The following CC2D1A variants were observed in gnomAD, a reference collection of about 807,000 sequenced individuals.
CC2D1A encodes the protein coiled-coil and C2 domain containing 1A, also known as coiled-coil and C2 domain-containing protein 1A.
CC2D1A carries 68 observed loss-of-function variants against 123.8 expected under a neutral mutation model. The ratio of observed to expected loss-of-function variants is 0.55; its 90% CI spans 0.45 to 0.67. CC2D1A has a LOEUF of 0.67. Ranked by LOEUF, CC2D1A falls within the 30% of genes least tolerant of loss-of-function variation. The pLI is 0.00. For synonymous variants in CC2D1A, 477 were observed against 528.0 expected, an observed-to-expected ratio of 0.90 and a Z score of 1.32; for missense variants, 1,185 against 1,290.3, an observed-to-expected ratio of 0.92 and a Z score of 1.25.
chr19:13,926,698 T>C lies in CC2D1A; in HGVS notation c.2046T>C (p.Val682=). 6.2e-7 allele frequency: 1 copy of C among 1,614,140 alleles called. No individual in the cohort carries two copies. Among genetic ancestry groups the C allele is most frequent in the Non-Finnish European group, 8.5e-7 (1 of 1,180,022 alleles). Reference sequence around the variant, plus strand: ...CCCCTGGCGATCTGGATGTCTTTGTTCGGTTTGACTTCCCCTATCCCAACG... The same window carrying C: ...CCCCTGGCGATCTGGATGTCTTTGTCCGGTTTGACTTCCCCTATCCCAACG... ...GLSPGDLDVF[V]RFDFPYPNVE... Residue 682 remains valine, a synonymous_variant, in exon 19 of 29, where the codon GTT becomes GTC. Coordinates refer to ENST00000318003, the MANE Select transcript of CC2D1A (RefSeq NM_017721.5).
rs1408648222 is a variant in CC2D1A at position 13,930,655 on chromosome 19, C to A, written c.*260C>A. 7 of 513,210 alleles carry A rather than the reference C, an allele frequency of 1.4e-5. No homozygotes were observed. The highest frequency in any genetic ancestry group is 1.7e-5 in the Non-Finnish European group (5 of 292,776). The allele number at this position is 513,210 out of a possible 1,614,324, so 31.8% of individuals were successfully genotyped here. ...GTTTGCACAGCCCAGGGGTGTCCGG[C>A]CTCTGGCCCGCCCCGGAGCAGGGAG... On this transcript the variant is annotated 3_prime_UTR_variant, in exon 29 of 29. Coordinates refer to ENST00000318003, the MANE Select transcript of CC2D1A (RefSeq NM_017721.5). This position sits in a 1 kb window ranked among gnomAD's most constrained non-coding sequence, Gnocchi z 6.8.
intron 17 of CC2D1A, among the ~76,000 whole-genome samples, chr19:13,926,065 TACACACAC>T (rs111396032): frequency 7.8e-6 from 1 of 128,080 alleles, no homozygotes; most frequent in African/African-American, 3.6e-5. Context: ...TATGTATATA[TACACACAC>T]ACACACACAC....
chr19:13,921,779 C>A (rs1045870553), intron 14 of CC2D1A, among the ~76,000 whole-genome samples: 3 of 152,178 alleles, frequency 2.0e-5, no homozygotes, highest in African/African-American at 7.2e-5. Context: ...GTGGGTCACA[C>A]CTGTAATTCC....
intron 1 of CC2D1A, among the ~76,000 whole-genome samples, chr19:13,909,373 GT>G (rs955983551): frequency 2.7e-4 from 41 of 150,450 alleles, no homozygotes; most frequent in African/African-American, 1.0e-3. Flanking sequence ...GAGACTCTGT[GT>G]CAAAAAAAAA....
At position 13,926,022 on chromosome 19, in the gene CC2D1A, ATATG is replaced by A. The variant is rs1425651491; in HGVS notation, c.1941-493_1941-490del. Among the ~76,000 whole-genome samples, 6 of 105,852 alleles carry A rather than the reference ATATG, an allele frequency of 5.7e-5. 2 individuals carry two copies. Among genetic ancestry groups the A allele is most frequent in the African/African-American group, 3.3e-4 (6 of 17,920 alleles). 69.4% of individuals were successfully genotyped at this position (105,852 alleles called of 152,430 possible). A position where few individuals can be genotyped will look rare whatever the true frequency, so the allele number is the denominator to read the frequency against. On this transcript the variant is annotated intron_variant, in intron 17 of 28. Transcript: ENST00000318003. ...TGTGTATATATATATATACGTATATATATGTGTATATATATATATATACACGTAT... is the reference window on the plus strand; with the variant it reads ...TGTGTATATATATATATACGTATATATGTATATATATATATATACACGTAT...
chr19:13,912,453 C>T lies in CC2D1A; in HGVS notation c.312+15C>T, dbSNP rs377061541. The stretch of plus-strand genomic sequence containing the variant: ...ATGACCTGCTGGTGAGCACTGAGGG[C>T]GGGGTGGGGGCTCTGATCCGGTTGC... On this transcript the variant is annotated intron_variant, in intron 3 of 28. Transcript: ENST00000318003. The T allele has an allele frequency of 1.3e-4, 212 of 1,613,560 alleles. No individual in the cohort carries two copies. The highest frequency in any genetic ancestry group is 1.6e-4 in the Middle Eastern group (1 of 6,084).
intron 14 of CC2D1A, among the ~76,000 whole-genome samples, chr19:13,922,267 G>A (rs984909581): frequency 6.6e-6 from 1 of 152,104 alleles, no homozygotes; most frequent in Admixed American, 6.5e-5. Context: ...CTCCCAAAGT[G>A]CTGGGATTAC....
chr19:13,930,494 G>A lies in CC2D1A; in HGVS notation c.*99G>A. ...GAACCAGACAAGCAGACAATCAGCG[G>A]ACAATCGGTTCTGGACTCACCCCTC... is the stretch of plus-strand genomic sequence containing the variant. On this transcript the variant is annotated 3_prime_UTR_variant, in exon 29 of 29. Coordinates refer to ENST00000318003, the MANE Select transcript of CC2D1A (RefSeq NM_017721.5). The surrounding 1 kb of genome is among the most constrained non-coding windows in gnomAD (Gnocchi z 6.8). 7.3e-7 allele frequency: 1 copy of A among 1,369,232 alleles called. No individual in the cohort carries two copies. Among genetic ancestry groups the A allele is most frequent in the South Asian group, 1.4e-5 (1 of 69,910 alleles). The allele number at this position is 1,369,232 out of a possible 1,614,324, so 84.8% of individuals were successfully genotyped here.
At chr19:13,910,456 G>A (rs1970963849) in intron 2 of CC2D1A, among the ~76,000 whole-genome samples, 1 of 150,674 alleles carries the variant, frequency 6.6e-6, no homozygotes, top group South Asian at 2.1e-4. Flanking sequence ...GAGACTGAGA[G>A]TTGGAATCCG....
At chr19:13,916,645 C>T (rs1203329911) in intron 6 of CC2D1A, among the ~76,000 whole-genome samples, 1 of 152,014 alleles carries the variant, frequency 6.6e-6, no homozygotes, top group Non-Finnish European at 1.5e-5. Context: ...AATAATTCAA[C>T]CCGGAAAAAC....
rs1207376094 is a variant in CC2D1A, at chr19:13,913,657, C to T, written c.748+19C>T. 3.5e-5 allele frequency: 55 copies of T among 1,563,748 alleles called. No homozygotes were observed. Among genetic ancestry groups the T allele is most frequent in the Non-Finnish European group, 4.6e-5 (53 of 1,149,418 alleles). On this transcript the variant is annotated intron_variant, in intron 6 of 28. Coordinates refer to ENST00000318003, the MANE Select transcript of CC2D1A (RefSeq NM_017721.5). The stretch of plus-strand genomic sequence containing the variant: ...CCCCCAGGTAGGTGATGGGCAGGGC[C>T]GGGCTGATATGGGATCCGAGTGGGC...
At chr19:13,929,318 G>T in intron 24 of CC2D1A, 61 bp from the exon 25 acceptor site, 1 of 1,566,310 alleles carries the variant, frequency 6.4e-7, no homozygotes, top group South Asian at 1.1e-5. Context: ...TGTGTCTTTT[G>T]AATTAACAGG....
chr19:13,930,561 T>A lies in CC2D1A; in HGVS notation c.*166T>A. The A allele has an allele frequency of 1.3e-6, 1 of 749,770 alleles. No homozygotes were observed. The highest frequency in any genetic ancestry group is 2.1e-6 in the Non-Finnish European group (1 of 472,896). The allele number at this position is 749,770 out of a possible 1,614,324, so 46.4% of individuals were successfully genotyped here. A position where few individuals can be genotyped will look rare whatever the true frequency, so the allele number is the denominator to read the frequency against. Reference sequence around the variant, plus strand: ...CCGCCAGAGCCTCCGTGGCTGCGGGTGTTGGGAACCATGCCTGCCAGCCAG... The same window carrying A: ...CCGCCAGAGCCTCCGTGGCTGCGGGAGTTGGGAACCATGCCTGCCAGCCAG... On this transcript the variant is annotated 3_prime_UTR_variant, in exon 29 of 29. Coordinates refer to ENST00000318003, the MANE Select transcript of CC2D1A (RefSeq NM_017721.5). This position sits in a 1 kb window ranked among gnomAD's most constrained non-coding sequence, Gnocchi z 6.8.
chr19:13,927,326 A>T (rs1971679734), intron 22 of CC2D1A, 61 bp downstream of exon 22: 1 of 1,400,112 alleles, frequency 7.1e-7, no homozygotes, highest in African/African-American at 1.4e-5. Flanking sequence ...TAACATTATT[A>T]AAACACTTCC....
Position 13,923,637 on chromosome 19 carries a change from C to T in CC2D1A, c.1823+31C>T, listed in dbSNP as rs558082915. On this transcript the variant is annotated intron_variant, in intron 16 of 28. Coordinates refer to ENST00000318003, the MANE Select transcript of CC2D1A (RefSeq NM_017721.5). This position sits in a 1 kb window ranked among gnomAD's most constrained non-coding sequence, Gnocchi z 5.3. Reference sequence around the variant, plus strand: ...TGCCCTGACCTGTGCCAGACACTTGCACCCCCAGCCACCCATCCCCAGGGC... The same window carrying T: ...TGCCCTGACCTGTGCCAGACACTTGTACCCCCAGCCACCCATCCCCAGGGC... 1.9e-5 allele frequency: 30 copies of T among 1,613,502 alleles called. No homozygotes were observed. The highest frequency in any genetic ancestry group is 1.6e-4 in the African/African-American group (12 of 75,058).
chr19:13,920,802 C>T lies in CC2D1A; in HGVS notation c.1521C>T (p.Ala507=), dbSNP rs35337537. ...LEGRKKQLLQ[A]ALRAKQKNDV... is the part of the protein sequence containing the mutation. Reference sequence around the variant, plus strand: ...GCCGCAAGAAGCAGCTCCTGCAGGCCGCACTGCGAGCCAAGCAGAAAAACG... The same window carrying T: ...GCCGCAAGAAGCAGCTCCTGCAGGCTGCACTGCGAGCCAAGCAGAAAAACG... The change falls in exon 14 of 29, where the codon GCC becomes GCT. Residue 507 remains alanine (A), a synonymous_variant. Transcript: ENST00000318003. 9.6e-4 allele frequency: 1,549 copies of T among 1,614,120 alleles called. 7 individuals carry two copies. In the African/African-American group the frequency reaches 0.015, roughly 16 times the overall value.
chr19:13,929,567 C>G lies in CC2D1A; in HGVS notation c.2617C>G (p.Pro873Ala), dbSNP rs1206169504. The G allele has an allele frequency of 1.3e-5, 21 of 1,609,780 alleles. No homozygotes were observed. Among genetic ancestry groups the G allele is most frequent in the Non-Finnish European group, 1.8e-5 (21 of 1,179,260 alleles). The stretch of plus-strand genomic sequence containing the variant: ...CCTCAGGCAGGCGCGGCGGCCGGTG[C>G]CCCCAGAAGTGGCCCAGCAGTACCA... ...LALRQARRPV[P>A]PEVAQQYQDI... Residue 873 changes from proline to alanine, a missense_variant, in exon 26 of 29, where the codon CCC (proline) becomes GCC (alanine). Physicochemically the swap from Pro to Ala is conservative, Grantham distance 27. Coordinates refer to ENST00000318003, the MANE Select transcript of CC2D1A (RefSeq NM_017721.5).
intron 14 of CC2D1A, among the ~76,000 whole-genome samples, chr19:13,922,148 C>T (rs2145344638): frequency 6.6e-6 from 1 of 152,284 alleles, no homozygotes; most frequent in African/African-American, 2.4e-5. Context: ...ACTACAGGCA[C>T]ACGCCACCAT....
At chr19:13,920,071 A>T (rs1751262518) in intron 12 of CC2D1A, 120 bp downstream of exon 12, 1 of 1,053,368 alleles carries the variant, frequency 9.5e-7, no homozygotes, top group Non-Finnish European at 1.3e-6. Context: ...ACACAGTGAG[A>T]CCCCCGTCTC....
Sources: gnomAD v4.1 joint callset for allele counts (sites outside exome capture counted in the v4.1 genomes callset) on GRCh38, gnomAD v4.1.1 for gene constraint, Gnocchi (gnomAD v3.1) non-coding constraint, MANE v1.5 for transcripts, NCBI Gene and HGNC (gene_info 2026-07-23, HGNC 2026-07-21) for gene names.